The following FBXW7 variants were observed in gnomAD, a reference collection of about 807,000 sequenced individuals.
FBXW7 encodes F-box and WD repeat domain containing 7, also known as F-box/WD repeat-containing protein 7.
In FBXW7, 11 loss-of-function variants were observed where a neutral mutation model predicts 86.3. The ratio of observed to expected loss-of-function variants is 0.13; its 90% CI spans 0.08 to 0.21. The LOEUF is 0.21. FBXW7 is among the 10% of genes least tolerant of loss of function. FBXW7 has a pLI of 1.00. For synonymous variants in FBXW7, 313 were observed against 297.9 expected, an observed-to-expected ratio of 1.05 and a Z score of -0.52; for missense variants, 488 against 847.4, an observed-to-expected ratio of 0.58 and a Z score of 5.27.
At chr4:152,520,274 A>T (rs1328691446) in intron 2 of FBXW7, among the ~76,000 whole-genome samples, 1 of 151,468 alleles carries the variant, frequency 6.6e-6, no homozygotes, top group Non-Finnish European at 1.5e-5. Flanking sequence ...TCTACTAAAA[A>T]TACAAAAAAT....
intron 2 of FBXW7, among the ~76,000 whole-genome samples, chr4:152,509,228 G>C (rs1405385722): frequency 1.3e-5 from 2 of 152,154 alleles, no homozygotes; most frequent in Non-Finnish European, 2.9e-5. Context: ...AAAGTCTGTA[G>C]ACTATCAGTA....
At chr4:152,496,177 TCAAA>T (rs767586963) in intron 2 of FBXW7, among the ~76,000 whole-genome samples, 1 of 151,928 alleles carries the variant, frequency 6.6e-6, no homozygotes, top group Non-Finnish European at 1.5e-5. Flanking sequence ...ACACACCACC[TCAAA>T]CAAACAAACA....
At chr4:152,326,312 A>G in intron 11 of FBXW7, 81 bp from the exon 12 acceptor site, 1 of 962,738 alleles carries the variant, frequency 1.0e-6, no homozygotes, top group South Asian at 1.6e-5. Flanking sequence ...AAAACATGGT[A>G]GATTTAGTCA....
intron 10 of FBXW7, chr4:152,328,593 C>A: frequency 7.3e-6 from 3 of 408,234 alleles, no homozygotes; most frequent in East Asian, 4.0e-5. Flanking sequence ...TAAGCACAAG[C>A]AATTGTGTAT....
chr4:152,534,256 TA>T (rs1301796554), intron 2 of FBXW7, among the ~76,000 whole-genome samples: 338 of 133,774 alleles, frequency 2.5e-3, no homozygotes, highest in South Asian at 3.6e-3. Context: ...TTTGTTACTC[TA>T]AAAAAAAAAA....
chr4:152,340,328 A>G (rs1419933701), intron 6 of FBXW7, among the ~76,000 whole-genome samples: 7 of 152,100 alleles, frequency 4.6e-5, no homozygotes, highest in Non-Finnish European at 8.8e-5. Context: ...CTGTAATCCC[A>G]CCACTCTGGG....
At chr4:152,480,769 G>C (rs1579314277) in intron 2 of FBXW7, among the ~76,000 whole-genome samples, 1 of 152,174 alleles carries the variant, frequency 6.6e-6, no homozygotes, top group South Asian at 2.1e-4. Context: ...TTAAGCCAAA[G>C]CCTAATTCAG....
At chr4:152,447,190 T>C (rs1396159290) in intron 2 of FBXW7, among the ~76,000 whole-genome samples, 2 of 152,234 alleles carry the variant, frequency 1.3e-5, no homozygotes, top group Non-Finnish European at 1.5e-5. Flanking sequence ...CCACATGTGA[T>C]GACAATTTTA....
At chr4:152,405,980 AG>A (rs772519565) in intron 4 of FBXW7, among the ~76,000 whole-genome samples, 3 of 152,236 alleles carry the variant, frequency 2.0e-5, no homozygotes, top group African/African-American at 7.2e-5. Flanking sequence ...GAATGATCGG[AG>A]CTTGAGAAAT....
chr4:152,353,211 A>G (rs906405422), intron 4 of FBXW7, among the ~76,000 whole-genome samples: 2 of 152,170 alleles, frequency 1.3e-5, no homozygotes, highest in Non-Finnish European at 2.9e-5. Context: ...ATCCTACCGT[A>G]GTCCTGGCAC....
chr4:152,439,712 A>G (rs1274384520), intron 2 of FBXW7, among the ~76,000 whole-genome samples: 1 of 151,980 alleles, frequency 6.6e-6, no homozygotes. Flanking sequence ...AAAAATACAA[A>G]AAAATTAGCC....
At chr4:152,456,617 T>C (rs532688524) in intron 2 of FBXW7, among the ~76,000 whole-genome samples, 1 of 152,282 alleles carries the variant, frequency 6.6e-6, no homozygotes, top group African/African-American at 2.4e-5. Context: ...CAAACAAGCA[T>C]AGGTAAAGAT....
intron 2 of FBXW7, among the ~76,000 whole-genome samples, chr4:152,438,740 C>A (rs1740610291): frequency 6.6e-6 from 1 of 152,154 alleles, no homozygotes; most frequent in African/African-American, 2.4e-5. Flanking sequence ...ACAAATGGTA[C>A]TGGTAAACCT....
chr4:152,411,274 C>A, intron 4 of FBXW7, 29 bp downstream of exon 4: 1 of 1,522,562 alleles, frequency 6.6e-7, no homozygotes, highest in Non-Finnish European at 8.8e-7. Context: ...TAAAGTTTCT[C>A]AGGTTAACAA....
chr4:152,345,914 A>T (rs1007232526), intron 6 of FBXW7, among the ~76,000 whole-genome samples: 1 of 152,148 alleles, frequency 6.6e-6, no homozygotes, highest in African/African-American at 2.4e-5. Flanking sequence ...GCATTGATTA[A>T]ATACCTAACC....
intron 2 of FBXW7, among the ~76,000 whole-genome samples, chr4:152,464,327 ATAG>A (rs1220461122): frequency 2.6e-5 from 4 of 152,184 alleles, no homozygotes; most frequent in African/African-American, 9.6e-5. Flanking sequence ...AGGAAGAAAA[ATAG>A]TAGAGGAAAG....
At chr4:152,523,014 A>G (rs1258622309) in intron 2 of FBXW7, among the ~76,000 whole-genome samples, 1 of 152,258 alleles carries the variant, frequency 6.6e-6, no homozygotes, top group East Asian at 1.9e-4. Context: ...ACTAAAAACT[A>G]AAACTACCAC....
intron 2 of FBXW7, among the ~76,000 whole-genome samples, chr4:152,437,975 G>T (rs1181087038): frequency 2.6e-5 from 4 of 152,138 alleles, no homozygotes; most frequent in Admixed American, 2.6e-4. Context: ...AGGAGTTCAA[G>T]ACCAGCCTGG....
At chr4:152,523,724 A>G (rs922430433) in intron 2 of FBXW7, among the ~76,000 whole-genome samples, 1 of 152,238 alleles carries the variant, frequency 6.6e-6, no homozygotes, top group African/African-American at 2.4e-5. Flanking sequence ...GGAACAATCA[A>G]AAAGTATGTA....
Sources: allele counts gnomAD v4.1 joint callset (sites outside exome capture counted in the v4.1 genomes callset), GRCh38; gene constraint gnomAD v4.1.1; transcripts MANE v1.5; gene names NCBI Gene and HGNC (gene_info 2026-07-23, HGNC 2026-07-21).